The following ZBTB37 variants were observed in gnomAD, a reference collection of about 807,000 sequenced individuals.
ZBTB37 encodes the protein zinc finger and BTB domain-containing protein 37.
ZBTB37 carries 15 observed loss-of-function variants against 37.7 expected under a neutral mutation model. The observed-to-expected ratio is 0.40, with a 90% CI of 0.27 to 0.61. The LOEUF is 0.61. Ranked by LOEUF, ZBTB37 falls within the 20% of genes least tolerant of loss-of-function variation. The pLI, the probability that ZBTB37 is intolerant of heterozygous loss-of-function variation, is 0.44. For missense variants in ZBTB37, 514 were observed against 641.9 expected (o/e 0.80, Z 2.15); for synonymous variants, 231 against 220.6 (o/e 1.05, Z -0.42).
exon 3 of ZBTB37, chr1:173,870,638 T>C (rs766009662): frequency 6.2e-7 from 1 of 1,614,004 alleles, no homozygotes; most frequent in Admixed American, 1.7e-5. Flanking sequence ...GAAGCAGAAT[T>C]AAGTCAAACA....
chr1:173,886,354 T>G (rs2102751405), exon 5 of ZBTB37: 1 of 618,618 alleles, frequency 1.6e-6, no homozygotes, highest in African/African-American at 1.8e-5. Context: ...ATCAACTTTC[T>G]AATTCAGGGA....
intron 4 of ZBTB37, among the ~76,000 whole-genome samples, chr1:173,878,630 C>G (rs1656116294): frequency 6.6e-6 from 1 of 152,018 alleles, no homozygotes; most frequent in South Asian, 2.1e-4. Context: ...ACTTTCCTAC[C>G]CTCCCTTCCA....
chr1:173,881,782 T>C (rs1301810315), intron 4 of ZBTB37, among the ~76,000 whole-genome samples: 3 of 152,136 alleles, frequency 2.0e-5, no homozygotes, highest in East Asian at 3.9e-4. Flanking sequence ...CGGCCGGGCG[T>C]GGTGGCTCAC....
chr1:173,886,289 TA>T, exon 5 of ZBTB37: 1 of 1,093,192 alleles, frequency 9.1e-7, no homozygotes, highest in South Asian at 1.8e-5. Flanking sequence ...ACAAAAGCAC[TA>T]AAGGCTCCTC....
At chr1:173,873,522 G>A (rs776369555) in exon 4 of ZBTB37, 1 of 1,613,932 alleles carries the variant, frequency 6.2e-7, no homozygotes, top group African/African-American at 1.3e-5. Context: ...AGCCAGAAGT[G>A]AGTCTCCTGG....
downstream of ZBTB37, chr1:173,888,264 A>G (rs1656706111): frequency 1.3e-5 from 2 of 152,202 alleles, no homozygotes; most frequent in East Asian, 1.9e-4. Context: ...ACAACTGGTA[A>G]TAAGGTTTTC....
chr1:173,885,752 A>G, exon 5 of ZBTB37: 1 of 1,551,606 alleles, frequency 6.4e-7, no homozygotes, highest in East Asian at 2.4e-5. Context: ...ATTGCGCCAA[A>G]TCTTTCAACC....
chr1:173,901,793 G>A (rs766204043), exon 4 of ZBTB37: 1 of 152,194 alleles, frequency 6.6e-6, no homozygotes, highest in Non-Finnish European at 1.5e-5. Context: ...GCTCTGCTCT[G>A]CCTCTGAAAG....
exon 4 of ZBTB37, chr1:173,901,589 C>CA (rs1204949190): frequency 6.6e-6 from 1 of 152,174 alleles, no homozygotes. Flanking sequence ...CTTTTAGAGA[C>CA]AGAGTCTCAC....
intron 4 of ZBTB37, among the ~76,000 whole-genome samples, chr1:173,875,155 T>C (rs552203341): frequency 0.07 from 9,412 of 135,292 alleles, 1,031 homozygotes; most frequent in African/African-American, 0.23. Flanking sequence ...TGTGTGTGTG[T>C]GTGTGCACGT....
At chr1:173,868,956 A>G (rs936269612) in exon 2 of ZBTB37, 2 of 152,702 alleles carry the variant, frequency 1.3e-5, no homozygotes, top group African/African-American at 4.8e-5. Flanking sequence ...CGGTAGCGAA[A>G]GACTTTCCTC....
intron 4 of ZBTB37, among the ~76,000 whole-genome samples, chr1:173,884,299 C>T (rs752786366): frequency 9.9e-5 from 15 of 151,610 alleles, no homozygotes; most frequent in Admixed American, 2.6e-4. Flanking sequence ...ACTACATGTG[C>T]GCACCTCCAC....
rs895455968 is a variant in ZBTB37, at chr1:173,884,973, C to T, written c.1024-663C>T. ...TTCTGGCTGGGCGTCGTGGCTTACACGTGTAATCCTGGCACTTTGGGAGAT... is the reference window on the plus strand; with the variant it reads ...TTCTGGCTGGGCGTCGTGGCTTACATGTGTAATCCTGGCACTTTGGGAGAT... On this transcript the variant is annotated intron_variant, in intron 4 of 4. Transcript: ENST00000427304. Among the ~76,000 whole-genome samples, 3 of 152,142 alleles carry T rather than the reference C, an allele frequency of 2.0e-5. No individual in the cohort carries two copies. In the South Asian group the frequency reaches 6.2e-4, roughly 32 times the overall value.
At chr1:173,883,187 G>C (rs1420070043) in intron 4 of ZBTB37, among the ~76,000 whole-genome samples, 1 of 152,160 alleles carries the variant, frequency 6.6e-6, no homozygotes, top group Non-Finnish European at 1.5e-5. Context: ...TTAGAAAAAA[G>C]AGTACTGTTG....
At chr1:173,880,110 C>A (rs1446820342) in intron 4 of ZBTB37, among the ~76,000 whole-genome samples, 1 of 152,204 alleles carries the variant, frequency 6.6e-6, no homozygotes, top group African/African-American at 2.4e-5. Context: ...CAGGCACACA[C>A]TACCCAAGTG....
At chr1:173,875,331 T>TA (rs367970109) in intron 4 of ZBTB37, among the ~76,000 whole-genome samples, 44,180 of 131,786 alleles carry the variant, frequency 0.34, 8,201 homozygotes, top group African/African-American at 0.55. Flanking sequence ...TATATATATA[T>TA]TTTTTTTTTT....
At chr1:173,892,887 A>G (rs1656897669) in exon 4 of ZBTB37, 1 of 152,124 alleles carries the variant, frequency 6.6e-6, no homozygotes, top group South Asian at 2.1e-4. Flanking sequence ...AGAATACACC[A>G]TCCGGTTAAG....
exon 4 of ZBTB37, chr1:173,891,888 G>A (rs544009829): frequency 6.6e-6 from 1 of 152,342 alleles, no homozygotes; most frequent in East Asian, 1.9e-4. Context: ...TAGGGAGTTT[G>A]AATCTGTTGT....
intron 4 of ZBTB37, among the ~76,000 whole-genome samples, chr1:173,883,899 G>T (rs1280451426): frequency 6.6e-6 from 1 of 152,060 alleles, no homozygotes; most frequent in East Asian, 1.9e-4. Flanking sequence ...AAAAGTACCG[G>T]CACAATATTA....
Sources: allele counts gnomAD v4.1 joint callset (sites outside exome capture counted in the v4.1 genomes callset), GRCh38; gene constraint gnomAD v4.1.1; transcripts MANE v1.5; gene names NCBI Gene and HGNC (gene_info 2026-07-23, HGNC 2026-07-21).